TTC7B: variants seen among roughly 807,000 people sequenced by gnomAD.
TTC7B encodes tetratricopeptide repeat protein 7B.
A neutral mutation model predicts 106.8 loss-of-function variants in TTC7B; 28 were observed. The observed-to-expected ratio is 0.26, with a 90% CI of 0.19 to 0.36. The LOEUF is 0.36. TTC7B is among the 10% of genes least tolerant of loss of function. TTC7B has a pLI of 1.00. For synonymous variants in TTC7B, 405 were observed against 430.6 expected (o/e 0.94, Z 0.74); for missense variants, 862 against 1,076.4 (o/e 0.80, Z 2.79).
intron 15 of TTC7B, among the ~76,000 whole-genome samples, chr14:90,623,300 C>G (rs1884290890): frequency 6.6e-6 from 1 of 152,168 alleles, no homozygotes; most frequent in Non-Finnish European, 1.5e-5. Flanking sequence ...TTAACGACAA[C>G]CCTGCAAATG....
intron 19 of TTC7B, among the ~76,000 whole-genome samples, chr14:90,561,332 A>G (rs1176537246): frequency 6.6e-6 from 1 of 152,162 alleles, no homozygotes; most frequent in Non-Finnish European, 1.5e-5. Flanking sequence ...CATACTGTAC[A>G]TGTGTGCACG....
intron 1 of TTC7B, among the ~76,000 whole-genome samples, chr14:90,794,649 T>C (rs1187861754): frequency 1.3e-5 from 2 of 152,284 alleles, no homozygotes; most frequent in East Asian, 3.9e-4. Flanking sequence ...AGGAGCTGCC[T>C]GCTCTGAGCA....
At chr14:90,755,477 A>T (rs1304233717) in intron 3 of TTC7B, among the ~76,000 whole-genome samples, 2 of 152,006 alleles carry the variant, frequency 1.3e-5, no homozygotes, top group East Asian at 3.9e-4. Context: ...GTGAGACCTC[A>T]TCTTTAAAAG....
Position 90,807,372 on chromosome 14 carries a change from A to C in TTC7B, c.121+8803T>G, listed in dbSNP as rs2030670499. On this transcript the variant is annotated intron_variant, in intron 1 of 19. Transcript: ENST00000328459. This position sits in a 1 kb window ranked among gnomAD's most constrained non-coding sequence, Gnocchi z 4.1. ...CTCCCACTCGGACAACCACGTCTAA[A>C]GTCTGGTCCTAGAACTCCGGGCACC... Among the ~76,000 whole-genome samples the C allele has an allele frequency of 3.3e-5, 5 of 152,270 alleles. No individual in the cohort carries two copies. The South Asian group carries it at 1.0e-3, about 32-fold the overall frequency.
At chr14:90,792,231 G>T (rs1358231600) in intron 1 of TTC7B, among the ~76,000 whole-genome samples, 2 of 152,128 alleles carry the variant, frequency 1.3e-5, no homozygotes, top group African/African-American at 2.4e-5. Flanking sequence ...TGATGCTGGG[G>T]GAATGCGCCA....
In TTC7B at chr14:90,670,532, AAAC is replaced by A. The variant is rs202172787; in HGVS notation, c.1152+5988_1152+5990del. On this transcript the variant is annotated intron_variant, in intron 9 of 19. Transcript: ENST00000328459. ...AAAAAAAATTTTAAACAAAGAACTA[AAAC>A]AAAACCATGAGGTATATACCTAGAT... 4.6e-3 allele frequency among the ~76,000 whole-genome samples: 696 copies of A among 152,288 alleles called. 18 individuals carry two copies. The East Asian group carries it at 0.056, about 12-fold the overall frequency.
intron 1 of TTC7B, among the ~76,000 whole-genome samples, chr14:90,793,597 G>A (rs564831050): frequency 7.3e-6 from 1 of 137,434 alleles, no homozygotes; most frequent in Non-Finnish European, 1.6e-5. Context: ...TTGTTTGTTT[G>A]TTTTTTTCTT....
chr14:90,691,199 G>C (rs920578863), intron 6 of TTC7B, among the ~76,000 whole-genome samples: 1 of 152,058 alleles, frequency 6.6e-6, no homozygotes, highest in Non-Finnish European at 1.5e-5. Context: ...AAAAATGAAC[G>C]AGGAATTTCA....
chr14:90,577,222 T>A lies in TTC7B; in HGVS notation c.2310+884A>T, dbSNP rs1250184919. The stretch of plus-strand genomic sequence containing the variant: ...AACAATTCAGAACCAAAGCCCAGCA[T>A]GCAGGCCCAGGGAACGTGGCACGGC... On this transcript the variant is annotated intron_variant, in intron 19 of 19. Coordinates refer to ENST00000328459, the MANE Select transcript of TTC7B (RefSeq NM_001010854.2). The surrounding 1 kb of genome is among the most constrained non-coding windows in gnomAD (Gnocchi z 5.0). Among the ~76,000 whole-genome samples, 1 of 152,216 alleles carries A rather than the reference T, an allele frequency of 6.6e-6. No homozygotes were observed. The highest frequency in any genetic ancestry group is 2.4e-5 in the African/African-American group (1 of 41,456).
At chr14:90,747,481 AC>A (rs1890004587) in intron 3 of TTC7B, among the ~76,000 whole-genome samples, 1 of 152,162 alleles carries the variant, frequency 6.6e-6, no homozygotes, top group East Asian at 1.9e-4. Flanking sequence ...AGTCTTCAGG[AC>A]CTCTGACACA....
chr14:90,632,463 A>G (rs551351931), intron 15 of TTC7B, among the ~76,000 whole-genome samples: 1 of 152,352 alleles, frequency 6.6e-6, no homozygotes, highest in East Asian at 1.9e-4. Context: ...AAAAAAAATT[A>G]TATGTATACT....
chr14:90,621,303 G>T (rs1459421987), intron 15 of TTC7B, among the ~76,000 whole-genome samples: 3 of 150,852 alleles, frequency 2.0e-5, no homozygotes, highest in Non-Finnish European at 1.5e-5. Context: ...ATAGGCAGAG[G>T]CCACGCGGGT....
chr14:90,694,690 T>TATAAAATATATTTTATTTTATA (rs1164065166), intron 6 of TTC7B, among the ~76,000 whole-genome samples: 2 of 143,264 alleles, frequency 1.4e-5, no homozygotes, highest in African/African-American at 5.0e-5. Context: ...TTTATTTTAT[T>TATAAAATATATTTTATTTTATA]ATAAAATATA....
chr14:90,804,617 C>T (rs1329055153), intron 1 of TTC7B, among the ~76,000 whole-genome samples: 1 of 152,218 alleles, frequency 6.6e-6, no homozygotes, highest in South Asian at 2.1e-4. Flanking sequence ...AAGCCAGCTG[C>T]AAAGGGTCTC....
chr14:90,605,854 G>A, intron 17 of TTC7B: 1 of 928,786 alleles, frequency 1.1e-6, no homozygotes, highest in Non-Finnish European at 1.4e-6. Flanking sequence ...ACTCACATAA[G>A]CTGCAAAGAA....
At chr14:90,583,996 A>C (rs1232302166) in intron 18 of TTC7B, among the ~76,000 whole-genome samples, 2 of 152,070 alleles carry the variant, frequency 1.3e-5, no homozygotes, top group Non-Finnish European at 2.9e-5. Context: ...ACCCAGGGCA[A>C]GCACTTTTCA....
At position 90,644,177 on chromosome 14, in the gene TTC7B, G is replaced by C; in HGVS notation, c.1622C>G (p.Ala541Gly). ...GGCATCGTCACCTTGAAGCTGAAGA[G>C]CTTGGCGGACATACCCCAGAGCCTC... is the stretch of plus-strand genomic sequence containing the variant. ...IPEALGYVRQ[A>G]LQLQGDDANS... Residue 541 changes from alanine (A) to glycine (G), a missense_variant, in exon 15 of 20, where the codon GCT becomes GGT. Coordinates refer to ENST00000328459, the MANE Select transcript of TTC7B (RefSeq NM_001010854.2). 6.2e-7 allele frequency: 1 copy of C among 1,610,024 alleles called. No homozygotes were observed. The highest frequency in any genetic ancestry group is 8.5e-7 in the Non-Finnish European group (1 of 1,178,502).
At chr14:90,558,954 T>C (rs1479551650) in intron 19 of TTC7B, among the ~76,000 whole-genome samples, 2 of 152,172 alleles carry the variant, frequency 1.3e-5, no homozygotes, top group Non-Finnish European at 2.9e-5. Context: ...GGAAACTGCA[T>C]AGGGGCGCGG....
At chr14:90,610,900 G>C in intron 16 of TTC7B, 61 bp from the exon 17 acceptor site, 5 of 1,146,308 alleles carry the variant, frequency 4.4e-6, no homozygotes, top group South Asian at 1.2e-5. Context: ...AGGAAAGAGA[G>C]GCAACCAATA....
Sources: gnomAD v4.1 joint callset for allele counts (sites outside exome capture counted in the v4.1 genomes callset) on GRCh38, gnomAD v4.1.1 for gene constraint, Gnocchi (gnomAD v3.1) non-coding constraint, MANE v1.5 for transcripts, NCBI Gene and HGNC (gene_info 2026-07-23, HGNC 2026-07-21) for gene names.